The following DYNC2H1 variants were observed in gnomAD, a reference collection of about 807,000 sequenced individuals.
DYNC2H1 encodes the protein dynein cytoplasmic 2 heavy chain 1, also known as cytoplasmic dynein 2 heavy chain 1.
In DYNC2H1, 410 loss-of-function variants were observed where a neutral mutation model predicts 570.0. That is an observed-to-expected ratio of 0.72 (90% CI 0.66 to 0.78). The LOEUF (loss-of-function observed/expected upper bound fraction) is 0.78. Ranked by LOEUF, DYNC2H1 falls within the 30% of genes least tolerant of loss-of-function variation. The pLI is 0.00. For missense variants in DYNC2H1, 4,865 were observed against 5,046.4 expected, an observed-to-expected ratio of 0.96 and a Z score of 1.09; for synonymous variants, 1,688 against 1,677.6, an observed-to-expected ratio of 1.01 and a Z score of -0.15.
rs1264840341 is a variant in DYNC2H1, at chr11:103,435,993, A to G, written c.12417A>G (p.Gln4139=). The part of the protein sequence containing the change: ...SKWEGPEDPL[Q]YLRGLVARAL... ...GGGAAGGCCCAGAAGATCCCTTACA[A>G]TACCTGAGAGGTCTTGTTGCCCGTG... Residue 4139 remains glutamine, a synonymous_variant, in exon 85 of 89, where the codon CAA becomes CAG. Transcript: ENST00000375735. 2 of 1,612,642 alleles carry G rather than the reference A, an allele frequency of 1.2e-6. No individual in the cohort carries two copies. Among genetic ancestry groups the G allele is most frequent in the Non-Finnish European group, 1.7e-6 (2 of 1,179,066 alleles).
intron 81 of DYNC2H1, among the ~76,000 whole-genome samples, chr11:103,323,205 T>C (rs1394680938): frequency 2.0e-5 from 3 of 152,152 alleles, no homozygotes; most frequent in Non-Finnish European, 4.4e-5. Flanking sequence ...TGAATAAGTG[T>C]TTTTGCCTGC....
At chr11:103,116,798 A>G in intron 5 of DYNC2H1, 84 bp downstream of exon 5, 1 of 1,214,332 alleles carries the variant, frequency 8.2e-7, no homozygotes, top group Non-Finnish European at 1.1e-6. Context: ...CTTACTTAAA[A>G]TGCTCCTTTA....
intron 24 of DYNC2H1, 122 bp downstream of exon 24, chr11:103,154,931 GA>G (rs1860743959): frequency 1.4e-6 from 1 of 722,702 alleles, no homozygotes; most frequent in Non-Finnish European, 2.1e-6. Context: ...GTTTGATGAA[GA>G]AAATAGGAAA....
chr11:103,454,326 A>G (rs1944715001), intron 85 of DYNC2H1, among the ~76,000 whole-genome samples: 1 of 152,172 alleles, frequency 6.6e-6, no homozygotes, highest in East Asian at 1.9e-4. Context: ...ATCTCTGTGC[A>G]CCAGCTGAAC....
At chr11:103,195,389 T>G (rs975437515) in intron 47 of DYNC2H1, among the ~76,000 whole-genome samples, 2 of 152,232 alleles carry the variant, frequency 1.3e-5, no homozygotes, top group African/African-American at 2.4e-5. Context: ...CTATGGATGT[T>G]TATTTACTCC....
chr11:103,213,053 A>T (rs1487988824), intron 54 of DYNC2H1, among the ~76,000 whole-genome samples: 1 of 152,154 alleles, frequency 6.6e-6, no homozygotes, highest in Non-Finnish European at 1.5e-5. Context: ...TGACAAAAAC[A>T]TGATAGAAGG....
chr11:103,412,806 T>C (rs1943137297), intron 84 of DYNC2H1, among the ~76,000 whole-genome samples: 1 of 152,238 alleles, frequency 6.6e-6, no homozygotes, highest in Non-Finnish European at 1.5e-5. Flanking sequence ...TGTTCATACA[T>C]ATACATATAG....
rs759912270 is a variant in DYNC2H1, at chr11:103,120,476, G to T, written c.1029G>T (p.Lys343Asn). The change falls in exon 7 of 89, where the codon AAG (lysine) becomes AAT (asparagine). Residue 343 changes from lysine to asparagine, a missense_variant. By Grantham distance (94) the Lys-to-Asn change is moderately conservative (BLOSUM62 0). Transcript: ENST00000375735. ...EVLAIRTIHE[K>N]FLYFLPASEE... ...TGGCTATTAGAACAATTCATGAGAA[G>T]TTTCTCTATTTTCTACCTGCCAGTG... 6.2e-7 allele frequency: 1 copy of T among 1,611,426 alleles called. No homozygotes were observed. Among genetic ancestry groups the T allele is most frequent in the Non-Finnish European group, 8.5e-7 (1 of 1,178,692 alleles).
chr11:103,160,260 ATAAAG>A (rs1381759903), intron 28 of DYNC2H1, among the ~76,000 whole-genome samples: 2 of 152,110 alleles, frequency 1.3e-5, no homozygotes, highest in Admixed American at 6.6e-5. Flanking sequence ...TTTATATACT[ATAAAG>A]TAATATGCAA....
intron 12 of DYNC2H1, 129 bp downstream of exon 12, chr11:103,125,424 TTTACTAAATGAGTCCA>T: frequency 1.5e-6 from 1 of 666,886 alleles, no homozygotes; most frequent in East Asian, 3.0e-5. Flanking sequence ...GAAATTATGT[TTTACTAAATGAGTCCA>T]TTACAAAATT....
intron 54 of DYNC2H1, among the ~76,000 whole-genome samples, chr11:103,214,123 GGACT>G (rs1863272181): frequency 6.6e-6 from 1 of 152,092 alleles, no homozygotes; most frequent in South Asian, 2.1e-4. Context: ...GAAAATCAGT[GGACT>G]ATAAATACAT....
Position 103,325,654 on chromosome 11 carries a change from G to A in DYNC2H1, c.12039+1664G>A, listed in dbSNP as rs185893758. Among the ~76,000 whole-genome samples, 58 of 152,208 alleles carry A rather than the reference G, an allele frequency of 3.8e-4. No homozygotes were observed. Among genetic ancestry groups the A allele is most frequent in the African/African-American group, 1.4e-3 (58 of 41,546 alleles). Reference sequence around the variant, plus strand: ...CTTCTGATTGTATTATGAAATTCTTGTAGTGAATTTTTCCATTCCAGAAGT... The same window carrying A: ...CTTCTGATTGTATTATGAAATTCTTATAGTGAATTTTTCCATTCCAGAAGT... On this transcript the variant is annotated intron_variant, in intron 82 of 88. Transcript: ENST00000375735. The surrounding 1 kb of genome is among the most constrained non-coding windows in gnomAD (Gnocchi z 4.8).
At chr11:103,270,632 T>A (rs1865672267) in intron 70 of DYNC2H1, among the ~76,000 whole-genome samples, 1 of 151,750 alleles carries the variant, frequency 6.6e-6, no homozygotes, top group Non-Finnish European at 1.5e-5. Context: ...TACTCACCCT[T>A]CTTGTGATCT....
chr11:103,311,963 G>A lies in DYNC2H1; in HGVS notation c.11579G>A (p.Arg3860Gln), dbSNP rs748580005. Residue 3860 changes from arginine to glutamine, a missense_variant, in exon 79 of 89, where the codon CGA becomes CAA. Physicochemically the swap from Arg to Gln is conservative, Grantham distance 43. This residue lies in a region of DYNC2H1 where 2,401 missense variants were observed against 2,454.6 expected (regional missense o/e 0.98). Transcript: ENST00000375735. ...ATTAGCAAAAAAGATAATACACATC[G>A]AGCTCATGCTCTCTTCAGTCTTGCA... is the stretch of plus-strand genomic sequence containing the variant. The part of the protein sequence containing the change: ...EQISKKDNTH[R>Q]AHALFSLAWF... The A allele has an allele frequency of 5.0e-6, 8 of 1,613,486 alleles. No individual in the cohort carries two copies. Among genetic ancestry groups the A allele is most frequent in the Admixed American group, 3.3e-5 (2 of 59,938 alleles).
rs1490068003 is a variant in DYNC2H1, at chr11:103,199,722, A to T, written c.8088+246A>T. Among the ~76,000 whole-genome samples the T allele has an allele frequency of 6.6e-6, 1 of 152,146 alleles. No homozygotes were observed. Among genetic ancestry groups the T allele is most frequent in the African/African-American group, 2.4e-5 (1 of 41,442 alleles). The stretch of plus-strand genomic sequence containing the variant: ...TACTATTAGAATTTCTAGGAAGCAG[A>T]TACTCCAGGTCATGGGATGTTAGAC... On this transcript the variant is annotated intron_variant, in intron 49 of 88. Coordinates refer to ENST00000375735, the MANE Select transcript of DYNC2H1 (RefSeq NM_001377.3). This position sits in a 1 kb window ranked among gnomAD's most constrained non-coding sequence, Gnocchi z 4.6.
intron 87 of DYNC2H1, among the ~76,000 whole-genome samples, chr11:103,463,109 G>A (rs1055963483): frequency 5.9e-5 from 9 of 152,228 alleles, no homozygotes; most frequent in South Asian, 2.1e-4. Context: ...ACTGAGAACC[G>A]CTGAAGATGG....
chr11:103,132,326 A>G (rs1401652081), intron 13 of DYNC2H1, among the ~76,000 whole-genome samples: 1 of 152,046 alleles, frequency 6.6e-6, no homozygotes, highest in Non-Finnish European at 1.5e-5. Flanking sequence ...TCAGTTCTAT[A>G]TATTCCACCT....
chr11:103,433,233 G>T (rs1004490891), intron 84 of DYNC2H1, among the ~76,000 whole-genome samples: 1 of 151,570 alleles, frequency 6.6e-6, no homozygotes, highest in South Asian at 2.1e-4. Flanking sequence ...TATCTATCTC[G>T]CTATAAAATG....
In DYNC2H1 at chr11:103,109,719, A is replaced by T; in HGVS notation, c.145A>T (p.Met49Leu). 5 of 1,613,910 alleles carry T rather than the reference A, an allele frequency of 3.1e-6. No homozygotes were observed. Among genetic ancestry groups the T allele is most frequent in the Non-Finnish European group, 4.2e-6 (5 of 1,179,882 alleles). Residue 49 changes from methionine (M) to leucine (L), a missense_variant, in exon 1 of 89, where the codon ATG becomes TTG. By Grantham distance (15) the Met-to-Leu change is conservative. Transcript: ENST00000375735. ...CAACTTCTTGGATGACGGCAACCAG[A>T]TGCTCCTCAGGGTGCAGCGATCCGA... ...INNFLDDGNQ[M>L]LLRVQRSDAG...
Sources: gnomAD v4.1 joint callset for allele counts (sites outside exome capture counted in the v4.1 genomes callset) on GRCh38, gnomAD v4.1.1 for gene constraint, gnomAD v4.1.1 regional missense constraint, Gnocchi (gnomAD v3.1) non-coding constraint, MANE v1.5 for transcripts, NCBI Gene and HGNC (gene_info 2026-07-23, HGNC 2026-07-21) for gene names.